SLC7A9: variants seen among roughly 807,000 people sequenced by gnomAD.
SLC7A9 encodes solute carrier family 7 member 9, also known as B(0,+)-type amino acid transporter 1.
A neutral mutation model predicts 54.1 loss-of-function variants in SLC7A9; 38 were observed. The observed-to-expected ratio is 0.70, with a 90% CI of 0.54 to 0.92. The LOEUF (loss-of-function observed/expected upper bound fraction) is 0.92, where lower values mean the gene tolerates loss of function less well. Among genes scored for constraint, SLC7A9 ranks in the 40% least tolerant of loss-of-function variants. SLC7A9 has a pLI of 0.00. For missense variants in SLC7A9, 537 were observed against 636.1 expected, an observed-to-expected ratio of 0.84 and a Z score of 1.68; for synonymous variants, 264 against 258.9, an observed-to-expected ratio of 1.02 and a Z score of -0.19.
chr19:32,868,356 T>G, intron 2 of SLC7A9, 92 bp downstream of exon 2: 1 of 863,568 alleles, frequency 1.2e-6, no homozygotes, highest in South Asian at 1.3e-5. Flanking sequence ...GCCGTGTCAC[T>G]AGGGATCGGC....
At chr19:32,864,024 C>G in intron 4 of SLC7A9, 72 bp downstream of exon 4, 1 of 1,607,606 alleles carries the variant, frequency 6.2e-7, no homozygotes, top group Non-Finnish European at 8.5e-7. Flanking sequence ...TGGGGAGGAG[C>G]TGAGGGCGGA....
intron 9 of SLC7A9, among the ~76,000 whole-genome samples, chr19:32,849,933 C>T (rs900385012): frequency 8.6e-5 from 13 of 152,042 alleles, no homozygotes; most frequent in African/African-American, 1.9e-4. Context: ...ACAAAAACCA[C>T]GTGATTATCT....
At chr19:32,836,453 A>G (rs1318057061) in intron 11 of SLC7A9, among the ~76,000 whole-genome samples, 1 of 152,088 alleles carries the variant, frequency 6.6e-6, no homozygotes, top group Non-Finnish European at 1.5e-5. Flanking sequence ...CATTAAAGAG[A>G]GAGAATGTTA....
chr19:32,861,704 A>T (rs1340698301), intron 6 of SLC7A9, among the ~76,000 whole-genome samples: 1 of 152,066 alleles, frequency 6.6e-6, no homozygotes, highest in East Asian at 1.9e-4. Flanking sequence ...AGTCCCAGCT[A>T]CTCAGGAGGC....
chr19:32,832,980 G>A (rs955754953), intron 12 of SLC7A9, 169 bp downstream of exon 12: 13 of 704,932 alleles, frequency 1.8e-5, no homozygotes, highest in Non-Finnish European at 3.1e-5. Context: ...ACAATCAAGG[G>A]TGGACCCAGA....
At chr19:32,842,873 T>C (rs1264584434) in intron 10 of SLC7A9, among the ~76,000 whole-genome samples, 9 of 152,168 alleles carry the variant, frequency 5.9e-5, no homozygotes, top group African/African-American at 2.2e-4. Context: ...TATGTATGAA[T>C]ATTATACCAG....
intron 8 of SLC7A9, 131 bp downstream of exon 8, chr19:32,859,710 G>A: frequency 2.4e-6 from 2 of 840,818 alleles, no homozygotes; most frequent in South Asian, 1.4e-5. Context: ...TGCCGTGCGT[G>A]CCCAGTCCAT....
Position 32,862,305 on chromosome 19 carries a change from C to T in SLC7A9, c.605-88G>A, listed in dbSNP as rs1968822688. ...CGGGAAAGATGGGCATGATTGTGAC[C>T]CCAGCTTAATAAACACGCCCTGAAA... is the stretch of plus-strand genomic sequence containing the variant. On this transcript the variant is annotated intron_variant, in intron 5 of 12. Coordinates refer to ENST00000023064, the MANE Select transcript of SLC7A9 (RefSeq NM_014270.5). 7 of 1,442,896 alleles carry T rather than the reference C, an allele frequency of 4.9e-6. No homozygotes were observed. The East Asian group carries it at 1.6e-4, about 33-fold the overall frequency. The allele number at this position is 1,442,896 out of a possible 1,614,324, so 89.4% of individuals were successfully genotyped here.
chr19:32,839,426 G>A (rs543416994), intron 11 of SLC7A9, among the ~76,000 whole-genome samples: 27 of 151,812 alleles, frequency 1.8e-4, no homozygotes, highest in Non-Finnish European at 2.8e-4. Flanking sequence ...GGTGGCACGC[G>A]CCTATAATCC....
chr19:32,843,509 T>C (rs3815760), intron 10 of SLC7A9, among the ~76,000 whole-genome samples: 89,306 of 151,938 alleles, frequency 0.59, 27,106 homozygotes, highest in East Asian at 0.83. Context: ...GGTGACTTCT[T>C]AATCATTAGA....
intron 11 of SLC7A9, among the ~76,000 whole-genome samples, chr19:32,837,134 C>T (rs1265907518): frequency 3.9e-5 from 6 of 152,066 alleles, no homozygotes; most frequent in South Asian, 2.1e-4. Flanking sequence ...CTTGCGTCCT[C>T]GAAGAGTGAT....
intron 2 of SLC7A9, 41 bp from the exon 3 acceptor site, chr19:32,864,817 G>A (rs763976207): frequency 5.0e-6 from 8 of 1,613,254 alleles, no homozygotes; most frequent in South Asian, 1.1e-5. Context: ...TGCCACGCCC[G>A]GACCCAGCCC....
At chr19:32,868,282 G>C (rs1231244813) in intron 2 of SLC7A9, among the ~76,000 whole-genome samples, 166 bp downstream of exon 2, 1 of 149,856 alleles carries the variant, frequency 6.7e-6, no homozygotes, top group East Asian at 1.9e-4. Flanking sequence ...GAGAGGGAAA[G>C]AGAAGTAAGT....
chr19:32,863,428 CTT>C (rs1478713636), intron 4 of SLC7A9, among the ~76,000 whole-genome samples: 6 of 152,140 alleles, frequency 3.9e-5, no homozygotes, highest in Non-Finnish European at 7.3e-5. Flanking sequence ...CACCTAGCCT[CTT>C]TTATTTTTTG....
At chr19:32,846,572 G>T (rs1459304066) in intron 9 of SLC7A9, among the ~76,000 whole-genome samples, 1 of 152,342 alleles carries the variant, frequency 6.6e-6, no homozygotes. Context: ...GCCTGCCTCT[G>T]TAGGCTCCAC....
In SLC7A9 at chr19:32,864,163, A is replaced by C. The variant is rs12150890; in HGVS notation, c.411T>G (p.Cys137Trp). 6 of 1,613,716 alleles carry C rather than the reference A, an allele frequency of 3.7e-6. No homozygotes were observed. The highest frequency in any genetic ancestry group is 5.1e-6 in the Non-Finnish European group (6 of 1,179,698). The change falls in exon 4 of 13, where the codon TGT becomes TGG. Residue 137 changes from cysteine (C) to tryptophan (W), a missense_variant. Coordinates refer to ENST00000023064, the MANE Select transcript of SLC7A9 (RefSeq NM_014270.5). ...IICLSFSEYV[C>W]APFYVGCKPP... ...GCTTGCAGCCCACATAGAAGGGCGC[A>C]CACACATACTCGGAGAAGCTGAGGC... is the stretch of plus-strand genomic sequence containing the variant.
intron 9 of SLC7A9, among the ~76,000 whole-genome samples, chr19:32,856,944 A>G (rs2145834364): frequency 6.6e-6 from 1 of 152,192 alleles, no homozygotes; most frequent in African/African-American, 2.4e-5. Flanking sequence ...CGAGGTCAGG[A>G]GTTCAAGACC....
chr19:32,846,100 A>G (rs1968283904), intron 9 of SLC7A9, among the ~76,000 whole-genome samples: 2 of 152,246 alleles, frequency 1.3e-5, no homozygotes, highest in Admixed American at 1.3e-4. Flanking sequence ...GCAACGCAGA[A>G]GACGGGTGAT....
intron 1 of SLC7A9, among the ~76,000 whole-genome samples, chr19:32,869,039 C>A (rs1969062141): frequency 6.9e-6 from 1 of 144,284 alleles, no homozygotes. Flanking sequence ...CGAACCCCGT[C>A]TCTACTAAAA....
Sources: allele counts gnomAD v4.1 joint callset (sites outside exome capture counted in the v4.1 genomes callset), GRCh38; gene constraint gnomAD v4.1.1; transcripts MANE v1.5; gene names NCBI Gene and HGNC (gene_info 2026-07-23, HGNC 2026-07-21).